Variants in HPSE2 observed in about 807,000 individuals in gnomAD.
The protein encoded by HPSE2 is inactive heparanase-2.
In HPSE2, 38 loss-of-function variants were observed where a neutral mutation model predicts 60.5. That is an observed-to-expected ratio of 0.63 (90% CI 0.48 to 0.82). HPSE2 has a LOEUF of 0.82. HPSE2 is among the 40% of genes least tolerant of loss of function. The probability of loss-of-function intolerance (pLI) is 0.00; values close to 1 mark genes in which losing one functional copy is unlikely to be tolerated. For synonymous variants in HPSE2, 295 were observed against 293.2 expected, an observed-to-expected ratio of 1.01 and a Z score of -0.06; for missense variants, 713 against 740.4, an observed-to-expected ratio of 0.96 and a Z score of 0.43.
intron 3 of HPSE2, among the ~76,000 whole-genome samples, chr10:99,085,244 G>C (rs750788404): frequency 2.0e-5 from 3 of 152,168 alleles, no homozygotes; most frequent in Admixed American, 6.5e-5. Flanking sequence ...AGGGAACCTA[G>C]AACTTGTTTA....
the HPSE2 span, among the ~76,000 whole-genome samples, chr10:99,274,684 A>T: frequency 2.0e-5 from 3 of 152,224 alleles, no homozygotes; most frequent in African/African-American, 7.2e-5. Flanking sequence ...GAGCAGCTGG[A>T]AGCTTTCAGA....
At chr10:99,139,659 G>T (rs888273124) in intron 3 of HPSE2, among the ~76,000 whole-genome samples, 1 of 151,978 alleles carries the variant, frequency 6.6e-6, no homozygotes, top group Non-Finnish European at 1.5e-5. Context: ...CATTGCAGGG[G>T]CTAGTCTATA....
At chr10:98,737,472 C>G (rs1457782109) in intron 4 of HPSE2, among the ~76,000 whole-genome samples, 1 of 95,664 alleles carries the variant, frequency 1.0e-5, no homozygotes, top group Non-Finnish European at 2.2e-5. Context: ...CAAGCACTAT[C>G]CATCACAGCA....
At chr10:98,486,430 A>G (rs1027308165) in intron 10 of HPSE2, among the ~76,000 whole-genome samples, 2 of 151,928 alleles carry the variant, frequency 1.3e-5, no homozygotes, top group African/African-American at 4.8e-5. Flanking sequence ...TGTCTCACTC[A>G]TGGGTGAGAT....
At chr10:99,155,824 T>C (rs1362883091) in intron 2 of HPSE2, among the ~76,000 whole-genome samples, 2 of 150,432 alleles carry the variant, frequency 1.3e-5, no homozygotes, top group Non-Finnish European at 3.0e-5. Context: ...AGCTGGTTTT[T>C]TGAAAGGATC....
intron 9 of HPSE2, among the ~76,000 whole-genome samples, chr10:98,595,393 C>G (rs1003354127): frequency 1.3e-5 from 2 of 151,934 alleles, no homozygotes; most frequent in Non-Finnish European, 2.9e-5. Flanking sequence ...GATGGTCTCG[C>G]TCTCCTGACC....
the HPSE2 span, among the ~76,000 whole-genome samples, chr10:99,271,592 T>C: frequency 6.6e-6 from 1 of 152,152 alleles, no homozygotes; most frequent in Non-Finnish European, 1.5e-5. Context: ...ACAAATTCAA[T>C]GCAATTCCTA....
At chr10:99,254,367 G>A in the HPSE2 span, among the ~76,000 whole-genome samples, 3 of 152,150 alleles carry the variant, frequency 2.0e-5, no homozygotes, top group Admixed American at 2.0e-4. Flanking sequence ...ACAGAAAGAT[G>A]ACAACAATAG....
intron 3 of HPSE2, among the ~76,000 whole-genome samples, chr10:98,812,107 GTTCT>G (rs963300169): frequency 1.3e-5 from 2 of 151,968 alleles, no homozygotes; most frequent in Admixed American, 6.6e-5. Flanking sequence ...GATTTGTGTG[GTTCT>G]TTAACATAAA....
At chr10:98,641,327 C>T (rs181749561) in intron 7 of HPSE2, among the ~76,000 whole-genome samples, 7 of 152,084 alleles carry the variant, frequency 4.6e-5, no homozygotes, top group Non-Finnish European at 7.4e-5. Context: ...CGGCTCACAC[C>T]GGTAATCCCA....
chr10:98,588,341 C>T (rs950013299), intron 9 of HPSE2, among the ~76,000 whole-genome samples: 2 of 151,996 alleles, frequency 1.3e-5, no homozygotes, highest in Admixed American at 6.6e-5. Flanking sequence ...ATTTTCAGGC[C>T]AGGGAGAAGG....
At chr10:99,162,630 G>A (rs1484008782) in intron 2 of HPSE2, among the ~76,000 whole-genome samples, 4 of 152,090 alleles carry the variant, frequency 2.6e-5, no homozygotes, top group African/African-American at 9.7e-5. Context: ...ATATTCCCAA[G>A]CCAAAGTACT....
chr10:98,606,892 A>G (rs1233684967), intron 9 of HPSE2, among the ~76,000 whole-genome samples: 2 of 152,222 alleles, frequency 1.3e-5, no homozygotes, highest in Non-Finnish European at 2.9e-5. Flanking sequence ...TTTGGTTCCT[A>G]CAGGTCACAA....
At chr10:99,088,093 T>C (rs901363971) in intron 3 of HPSE2, among the ~76,000 whole-genome samples, 5 of 151,918 alleles carry the variant, frequency 3.3e-5, no homozygotes, top group African/African-American at 1.2e-4. Flanking sequence ...TTTTTACCCA[T>C]GATACTCCCA....
intron 9 of HPSE2, among the ~76,000 whole-genome samples, chr10:98,506,650 G>T (rs1262959810): frequency 6.6e-6 from 1 of 152,054 alleles, no homozygotes; most frequent in African/African-American, 2.4e-5. Flanking sequence ...TAGAGACAGG[G>T]TCTTGCTATG....
At position 99,060,786 on chromosome 10, in the gene HPSE2, T is replaced by C. The variant is rs569722966; in HGVS notation, c.610+83452A>G. 2.6e-5 allele frequency among the ~76,000 whole-genome samples: 4 copies of C among 151,974 alleles called. No homozygotes were observed. The East Asian group carries it at 7.7e-4, about 29-fold the overall frequency. ...TAGCCATAAAAAGAATGAGATCCTG[T>C]CATTTGCAAAAACACAAATGGAACT... On this transcript the variant is annotated intron_variant, in intron 3 of 11. Coordinates refer to ENST00000370552, the MANE Select transcript of HPSE2 (RefSeq NM_021828.5).
the HPSE2 span, among the ~76,000 whole-genome samples, chr10:99,289,497 A>G: frequency 1.3e-5 from 2 of 151,888 alleles, no homozygotes; most frequent in Non-Finnish European, 2.9e-5. Flanking sequence ...TGCAGTTTAT[A>G]TTATTCTGAT....
At chr10:98,493,364 T>C (rs1941722099) in intron 9 of HPSE2, among the ~76,000 whole-genome samples, 1 of 152,212 alleles carries the variant, frequency 6.6e-6, no homozygotes, top group Non-Finnish European at 1.5e-5. Context: ...ATTTCTGTAT[T>C]GTTTTCTTAT....
intron 4 of HPSE2, among the ~76,000 whole-genome samples, chr10:98,729,620 A>T (rs150816991): frequency 0.014 from 2,092 of 152,126 alleles, 21 homozygotes; most frequent in Admixed American, 0.024. Context: ...AAAAATAAAT[A>T]AATAAATAAA....
Sources: allele counts gnomAD v4.1 joint callset (sites outside exome capture counted in the v4.1 genomes callset), GRCh38; gene constraint gnomAD v4.1.1; transcripts MANE v1.5; gene names NCBI Gene and HGNC (gene_info 2026-07-23, HGNC 2026-07-21).